CARD16: variants seen among roughly 807,000 people sequenced by gnomAD.
CARD16 encodes caspase recruitment domain family member 16, also known as caspase recruitment domain-containing protein 16.
In CARD16, 8 loss-of-function variants were observed where a neutral mutation model predicts 11.9. That is an observed-to-expected ratio of 0.67 (90% CI 0.39 to 1.21). The LOEUF (loss-of-function observed/expected upper bound fraction) is 1.21. CARD16 is among the 50% of genes most tolerant of loss of function. CARD16 has a pLI of 0.01. For missense variants in CARD16, 131 were observed against 118.1 expected, an observed-to-expected ratio of 1.11 and a Z score of -0.51; for synonymous variants, 44 against 43.8, an observed-to-expected ratio of 1.00 and a Z score of -0.02.
chr11:105,043,582 T>TTCTGTGGCATCTCTGGCTATTCTGTGG, intron 2 of CARD16, 37 bp from the exon 3 acceptor site: 1 of 1,493,788 alleles, frequency 6.7e-7, no homozygotes, highest in East Asian at 2.3e-5. Flanking sequence ...TAGCCACTTA[T>TTCTGTGGCATCTCTGGCTATTCTGTGG]CATCTCTGGA....
At chr11:105,044,797 G>C in intron 1 of CARD16, 139 bp from the exon 2 acceptor site, 14 of 1,442,892 alleles carry the variant, frequency 9.7e-6, no homozygotes, top group Non-Finnish European at 1.3e-5. Flanking sequence ...TCTTCTTACT[G>C]TATTGCTGTC....
chr11:105,043,865 G>A (rs1292431696), intron 2 of CARD16: 5 of 308,268 alleles, frequency 1.6e-5, no homozygotes, highest in East Asian at 1.2e-4. Flanking sequence ...TGGGGGCAAC[G>A]GGAGGAAAGA....
rs1864146991 is a variant in CARD16, at chr11:105,043,636, TC to T, written c.275-92del. 3.6e-6 allele frequency: 3 copies of T among 841,350 alleles called. No homozygotes were observed. In the East Asian group the frequency reaches 7.3e-5, roughly 20 times the overall value. 52.1% of individuals were successfully genotyped at this position (841,350 alleles called of 1,614,324 possible). A position where few individuals can be genotyped will look rare whatever the true frequency, so the allele number is the denominator to read the frequency against. On this transcript the variant is annotated intron_variant, in intron 2 of 3. Transcript: ENST00000673097. ...TAAGCCACTCCTCACTGCAAATTCCTCCCACAACCCTGACTAAATGACAATA... is the reference window on the plus strand; with the variant it reads ...TAAGCCACTCCTCACTGCAAATTCCTCCACAACCCTGACTAAATGACAATA...
intron 1 of CARD16, chr11:105,045,087 A>C: frequency 1.4e-6 from 1 of 703,130 alleles, no homozygotes; most frequent in East Asian, 2.6e-5. Flanking sequence ...GCTACCCCTA[A>C]AGTCTCTGTT....
intron 3 of CARD16, among the ~76,000 whole-genome samples, chr11:105,042,606 A>T (rs955246185): frequency 1.3e-5 from 2 of 152,242 alleles, no homozygotes; most frequent in South Asian, 4.1e-4. Flanking sequence ...CAAAGGCAGC[A>T]TGAAGTGTGT....
chr11:105,044,264 T>A, intron 2 of CARD16, 128 bp downstream of exon 2: 1 of 1,479,322 alleles, frequency 6.8e-7, no homozygotes, highest in East Asian at 2.3e-5. Flanking sequence ...GGGCCTCTGC[T>A]ACAGAAATAT....
intron 1 of CARD16, 44 bp downstream of exon 1, chr11:105,045,245 ACT>A (rs749143825): frequency 1.2e-6 from 2 of 1,612,702 alleles, no homozygotes; most frequent in Admixed American, 1.7e-5. Context: ...CCTTTCCACA[ACT>A]CTTTCTTCCC....
chr11:105,043,679 AC>A, intron 2 of CARD16, 134 bp from the exon 3 acceptor site: 1 of 693,158 alleles, frequency 1.4e-6, no homozygotes, highest in Non-Finnish European at 2.6e-6. Flanking sequence ...GTTCAAGTGC[AC>A]CAAAACTCCC....
chr11:105,042,559 C>G (rs796558903), intron 3 of CARD16, among the ~76,000 whole-genome samples: 3 of 152,134 alleles, frequency 2.0e-5, no homozygotes, highest in African/African-American at 7.2e-5. Context: ...TTTAATTTTG[C>G]AAACAAATTT....
chr11:105,044,455 T>C lies in CARD16; in HGVS notation c.211A>G (p.Ile71Val). ...VIPKGAQACQICITYICEEDS... is the reference protein window; with the variant it reads ...VIPKGAQACQVCITYICEEDS... ...TCTTCACAAATGTATGTGATGCAAA[T>C]TTGGCATGCCTGTGCCCCTTTCGGA... is the stretch of plus-strand genomic sequence containing the variant. The change falls in exon 2 of 4, where the codon ATT (isoleucine) becomes GTT (valine). Residue 71 changes from isoleucine to valine, a missense_variant. Transcript: ENST00000673097. The C allele has an allele frequency of 6.2e-7, 1 of 1,614,132 alleles. No individual in the cohort carries two copies. The highest frequency in any genetic ancestry group is 1.1e-5 in the South Asian group (1 of 91,088).
chr11:105,043,307 A>G (rs1259498383), intron 3 of CARD16, among the ~76,000 whole-genome samples, 176 bp downstream of exon 3: 2 of 152,118 alleles, frequency 1.3e-5, no homozygotes, highest in Admixed American at 1.3e-4. Flanking sequence ...TAGTATAAAT[A>G]AGAGTAGTAA....
At chr11:105,044,702 A>G (rs769006062) in intron 1 of CARD16, 44 bp from the exon 2 acceptor site, 3 of 1,603,570 alleles carry the variant, frequency 1.9e-6, no homozygotes, top group Non-Finnish European at 2.6e-6. Context: ...AAACAGCCTC[A>G]TATTCCTCTC....
At chr11:105,041,818 G>T in intron 3 of CARD16, 99 bp from the exon 4 acceptor site, 1 of 1,132,626 alleles carries the variant, frequency 8.8e-7, no homozygotes, top group Non-Finnish European at 1.3e-6. Flanking sequence ...CATTCCTAGA[G>T]GACAATCCTA....
chr11:105,044,345 C>T (rs368940697), intron 2 of CARD16, 47 bp downstream of exon 2: 38 of 1,611,144 alleles, frequency 2.4e-5, no homozygotes, highest in Middle Eastern at 3.3e-4. Context: ...ATGTTAGGCA[C>T]GAAGACAGGC....
chr11:105,043,606 A>G, intron 2 of CARD16, 61 bp from the exon 3 acceptor site: 1 of 1,153,882 alleles, frequency 8.7e-7, no homozygotes, highest in Non-Finnish European at 1.3e-6. Context: ...CTTTACAGCA[A>G]TGCATAAGCC....
chr11:105,045,298 G>A lies in CARD16; in HGVS notation c.-1C>T. 1 of 1,613,978 alleles carries A rather than the reference G, an allele frequency of 6.2e-7. No individual in the cohort carries two copies. Among genetic ancestry groups the A allele is most frequent in the Non-Finnish European group, 8.5e-7 (1 of 1,179,888 alleles). On this transcript the variant is annotated 5_prime_UTR_variant, in exon 1 of 4. Transcript: ENST00000673097. ...GAACAGTAAAAGACTCACCGGCCATGGCTTTTCTCTCCTACCCTTCTTGTG... is the reference window on the plus strand; with the variant it reads ...GAACAGTAAAAGACTCACCGGCCATAGCTTTTCTCTCCTACCCTTCTTGTG...
chr11:105,044,592 A>G lies in CARD16; in HGVS notation c.74T>C (p.Leu25Ser), dbSNP rs1304102510. 1 of 1,614,150 alleles carries G rather than the reference A, an allele frequency of 6.2e-7. No homozygotes were observed. Among genetic ancestry groups the G allele is most frequent in the Non-Finnish European group, 8.5e-7 (1 of 1,179,982 alleles). Residue 25 changes from leucine to serine, a missense_variant, in exon 2 of 4, where the codon TTA becomes TCA. Transcript: ENST00000673097. ...CCTTGTCTGTAATAATTCATCCAGT[A>G]AGCCATTTATTGTACCTTCACCCAT... ...HSMGEGTING[L>S]LDELLQTRVL...
In CARD16 at chr11:105,043,511, G is replaced by T. The variant is rs375964015; in HGVS notation, c.*15C>A. 41 of 1,610,100 alleles carry T rather than the reference G, an allele frequency of 2.5e-5. No homozygotes were observed. The African/African-American group carries it at 4.9e-4, about 19-fold the overall frequency. On this transcript the variant is annotated 3_prime_UTR_variant, in exon 3 of 4. Coordinates refer to ENST00000673097, the MANE Select transcript of CARD16 (RefSeq NM_052889.4). ...GGAAGGAAGAAAATAGTAATTGGGA[G>T]TCTTGTGTACTAAGCTAATTTCCAG... is the stretch of plus-strand genomic sequence containing the variant.
rs1448647224 is a variant in CARD16, at chr11:105,045,321, G to A, written c.-24C>T. ...ATGGCTTTTCTCTCCTACCCTTCTT[G>A]TGTGGGCTGAAACTGAAAGTATGTT... On this transcript the variant is annotated 5_prime_UTR_variant, in exon 1 of 4. Transcript: ENST00000673097. The A allele has an allele frequency of 6.2e-7, 1 of 1,613,760 alleles. No individual in the cohort carries two copies. The highest frequency in any genetic ancestry group is 1.7e-5 in the Admixed American group (1 of 59,976).
Sources: gnomAD v4.1 joint callset for allele counts (sites outside exome capture counted in the v4.1 genomes callset) on GRCh38, gnomAD v4.1.1 for gene constraint, MANE v1.5 for transcripts, NCBI Gene and HGNC (gene_info 2026-07-23, HGNC 2026-07-21) for gene names.